Variants in SSBP3 observed in about 807,000 individuals in gnomAD.
The protein encoded by SSBP3 is single stranded DNA binding protein 3.
A neutral mutation model predicts 69.6 loss-of-function variants in SSBP3; 5 were observed. The ratio of observed to expected loss-of-function variants is 0.07; its 90% CI spans 0.04 to 0.15. SSBP3 has a LOEUF of 0.15. SSBP3 is among the 10% of genes least tolerant of loss of function. The pLI is 1.00. For missense variants in SSBP3, 312 were observed against 534.0 expected, an observed-to-expected ratio of 0.58 and a Z score of 4.10; for synonymous variants, 196 against 193.4, an observed-to-expected ratio of 1.01 and a Z score of -0.11.
At chr1:54,350,345 C>G (rs1450978381) in intron 4 of SSBP3, among the ~76,000 whole-genome samples, 1 of 152,230 alleles carries the variant, frequency 6.6e-6, no homozygotes, top group Non-Finnish European at 1.5e-5. Context: ...AAGTGCGGAA[C>G]AAGCGCTGTT....
At chr1:54,261,262 C>T (rs983783824) in intron 5 of SSBP3, among the ~76,000 whole-genome samples, 2 of 152,204 alleles carry the variant, frequency 1.3e-5, no homozygotes, top group Non-Finnish European at 2.9e-5. Flanking sequence ...TATGAGGAGT[C>T]AGGGGCTCTG....
intron 7 of SSBP3, 86 bp from the exon 8 acceptor site, chr1:54,251,946 C>G (rs907362952): frequency 1.5e-5 from 18 of 1,169,348 alleles, no homozygotes; most frequent in Non-Finnish European, 2.1e-5. Flanking sequence ...CACCCAGTGC[C>G]CCGTGTGATC....
intron 4 of SSBP3, among the ~76,000 whole-genome samples, chr1:54,288,943 C>A (rs1293828334): frequency 7.0e-6 from 1 of 143,868 alleles, no homozygotes; most frequent in African/African-American, 2.5e-5. Context: ...TCGCGTGAAC[C>A]CGGGAGGTGG....
chr1:54,235,484 C>G (rs1198441519), intron 14 of SSBP3, among the ~76,000 whole-genome samples: 1 of 111,878 alleles, frequency 8.9e-6, no homozygotes, highest in African/African-American at 3.7e-5. Context: ...GAGATGGAGT[C>G]TCACTCTGTC....
intron 7 of SSBP3, 79 bp from the exon 8 acceptor site, chr1:54,251,939 C>T (rs1386532062): frequency 1.6e-6 from 2 of 1,241,968 alleles, no homozygotes; most frequent in Non-Finnish European, 2.3e-6. Context: ...CCTGTCCCAC[C>T]CAGTGCCCCG....
At chr1:54,333,083 G>A (rs577354507) in intron 4 of SSBP3, among the ~76,000 whole-genome samples, 4 of 152,272 alleles carry the variant, frequency 2.6e-5, no homozygotes, top group Non-Finnish European at 4.4e-5. Context: ...GTGGTCCGCA[G>A]GGACCATCAC....
intron 4 of SSBP3, among the ~76,000 whole-genome samples, chr1:54,350,532 G>C (rs931162223): frequency 6.6e-6 from 1 of 152,198 alleles, no homozygotes; most frequent in African/African-American, 2.4e-5. Flanking sequence ...ATTTATACGC[G>C]TATGGCCTTC....
At chr1:54,257,853 A>AT (rs1330913610) in intron 6 of SSBP3, among the ~76,000 whole-genome samples, 1 of 151,996 alleles carries the variant, frequency 6.6e-6, no homozygotes, top group Non-Finnish European at 1.5e-5. Flanking sequence ...AGAAATATAT[A>AT]TTTTTTCCTT....
intron 4 of SSBP3, among the ~76,000 whole-genome samples, chr1:54,312,418 C>T (rs573145372): frequency 2.6e-5 from 4 of 151,610 alleles, no homozygotes; most frequent in Non-Finnish European, 5.9e-5. Context: ...GGTGAAACCT[C>T]GTCTCTATTA....
At chr1:54,243,161 G>C (rs1189295405) in intron 10 of SSBP3, 74 bp downstream of exon 10, 20 of 1,367,368 alleles carry the variant, frequency 1.5e-5, no homozygotes, top group Non-Finnish European at 2.0e-5. Flanking sequence ...CTTATCATGA[G>C]TCTCCCAGGG....
At chr1:54,392,298 A>G in intron 4 of SSBP3, among the ~76,000 whole-genome samples, 1 of 152,194 alleles carries the variant, frequency 6.6e-6, no homozygotes, top group East Asian at 1.9e-4. Flanking sequence ...AGGCTCAGCA[A>G]TTGCTTGTCT....
intron 4 of SSBP3, among the ~76,000 whole-genome samples, chr1:54,390,380 C>T (rs963191924): frequency 3.3e-5 from 5 of 152,164 alleles, no homozygotes; most frequent in African/African-American, 1.2e-4. Context: ...ATCCTGATTT[C>T]CTCCTAGTCT....
intron 4 of SSBP3, among the ~76,000 whole-genome samples, chr1:54,304,625 G>A (rs954818878): frequency 1.3e-5 from 2 of 152,200 alleles, no homozygotes; most frequent in African/African-American, 4.8e-5. Context: ...TGGGGAGCAG[G>A]TGGTAAAAGG....
intron 5 of SSBP3, among the ~76,000 whole-genome samples, chr1:54,277,379 C>A (rs1645307886): frequency 6.6e-6 from 1 of 152,120 alleles, no homozygotes; most frequent in Non-Finnish European, 1.5e-5. Context: ...TCCTTTCGGT[C>A]TCTCCCTCCT....
intron 4 of SSBP3, among the ~76,000 whole-genome samples, chr1:54,387,428 A>G (rs2100751488): frequency 6.6e-6 from 1 of 152,314 alleles, no homozygotes; most frequent in African/African-American, 2.4e-5. Flanking sequence ...CTTTGCTGAA[A>G]TCCCTCCTAC....
At chr1:54,388,123 T>C (rs1648220118) in intron 4 of SSBP3, among the ~76,000 whole-genome samples, 1 of 152,040 alleles carries the variant, frequency 6.6e-6, no homozygotes, top group Non-Finnish European at 1.5e-5. Context: ...AGAAGCAAAC[T>C]GTCACTGACA....
intron 1 of SSBP3, 148 bp from the exon 2 acceptor site, chr1:54,405,078 C>T: frequency 2.8e-6 from 2 of 705,902 alleles, no homozygotes; most frequent in South Asian, 1.6e-5. Context: ...TCACCCCAAA[C>T]AGGGCCGCCA....
At chr1:54,316,661 A>AAAT (rs1465357113) in intron 4 of SSBP3, among the ~76,000 whole-genome samples, 16 of 60,998 alleles carry the variant, frequency 2.6e-4, no homozygotes, top group African/African-American at 2.4e-3. Context: ...AAAAAAAAAT[A>AAAT]AAATAAATAA....
intron 14 of SSBP3, among the ~76,000 whole-genome samples, chr1:54,232,535 A>T (rs610874): frequency 0.63 from 96,467 of 152,090 alleles, 31,511 homozygotes; most frequent in African/African-American, 0.8. Flanking sequence ...TGCAAAAACA[A>T]CCTGGGCAAC....
Sources: gnomAD v4.1 joint callset for allele counts (sites outside exome capture counted in the v4.1 genomes callset) on GRCh38, gnomAD v4.1.1 for gene constraint, MANE v1.5 for transcripts, NCBI Gene and HGNC (gene_info 2026-07-23, HGNC 2026-07-21) for gene names.